Variants in SPTA1 observed in about 807,000 individuals in gnomAD.
SPTA1 encodes spectrin alpha chain, erythrocytic 1.
In SPTA1, 177 loss-of-function variants were observed where a neutral mutation model predicts 324.7. The ratio of observed to expected loss-of-function variants is 0.55; its 90% confidence interval spans 0.48 to 0.62. SPTA1 has a LOEUF of 0.62. SPTA1 is among the 20% of genes least tolerant of loss of function. SPTA1 has a pLI of 0.00. For synonymous variants in SPTA1, 1,195 were observed against 1,041.3 expected, an observed-to-expected ratio of 1.15 and a Z score of -2.84; for missense variants, 3,162 against 2,883.6, an observed-to-expected ratio of 1.10 and a Z score of -2.21.
chr1:158,668,084 A>G (rs1653743026), intron 14 of SPTA1, 22 bp from the exon 15 acceptor site: 5 of 1,609,616 alleles, frequency 3.1e-6, no homozygotes, highest in East Asian at 2.2e-5. Flanking sequence ...TGAAAAAAAA[A>G]AAAAAAACCA....
intron 16 of SPTA1, 68 bp downstream of exon 16, chr1:158,666,248 T>TTATTAAGTAATTAATAAG: frequency 1.3e-6 from 2 of 1,534,536 alleles, no homozygotes; most frequent in African/African-American, 1.4e-5. Flanking sequence ...TACTTATTAC[T>TTATTAAGTAATTAATAAG]TAATAACGAG....
intron 17 of SPTA1, among the ~76,000 whole-genome samples, chr1:158,662,038 CT>C (rs1653256165): frequency 1.3e-5 from 2 of 152,164 alleles, no homozygotes; most frequent in Admixed American, 6.5e-5. Flanking sequence ...TCTAAACTTT[CT>C]TTCTTACTAC....
Position 158,611,221 on chromosome 1 carries a change from C to T in SPTA1, c.*43G>A, listed in dbSNP as rs1482674969. ...GTACTCTTTGCCCCCCAGTAAATTT[C>T]CCACGACACTAAGATTTTCTACGAT... On this transcript the variant is annotated 3_prime_UTR_variant, in exon 52 of 52. Transcript: ENST00000643759. 6.2e-7 allele frequency: 1 copy of T among 1,610,678 alleles called. No homozygotes were observed. The highest frequency in any genetic ancestry group is 1.1e-5 in the South Asian group (1 of 90,952).
chr1:158,678,894 A>G (rs16840541), intron 5 of SPTA1, among the ~76,000 whole-genome samples: 4,884 of 152,184 alleles, frequency 0.032, 256 homozygotes, highest in African/African-American at 0.11. Flanking sequence ...ATGAAATACA[A>G]CTTAATTTTC....
In SPTA1 at chr1:158,652,649, G is replaced by A. The variant is rs772426060; in HGVS notation, c.3193C>T (p.Arg1065Cys). Reference protein sequence around the residue: ...QRQEQIENQYRSLLDRAEERR... With the variant: ...QRQEQIENQYCSLLDRAEERR... ...TCTTCTGCCCGATCCAAGAGGGAGC[G>A]GTATCTGGATGGAGAATTGGGAAAA... Residue 1065 changes from arginine (R) to cysteine (C), a missense_variant, in exon 23 of 52, where the codon CGC becomes TGC. Coordinates refer to ENST00000643759, the MANE Select transcript of SPTA1 (RefSeq NM_003126.4). 18 of 1,613,888 alleles carry A rather than the reference G, an allele frequency of 1.1e-5. No individual in the cohort carries two copies. Among genetic ancestry groups the A allele is most frequent in the East Asian group, 6.7e-5 (3 of 44,890 alleles).
Position 158,620,481 on chromosome 1 carries a change from A to G in SPTA1, c.6121-15T>C, listed in dbSNP as rs781045404. 50 of 1,612,262 alleles carry G rather than the reference A, an allele frequency of 3.1e-5. No individual in the cohort carries two copies. The highest frequency in any genetic ancestry group is 4.2e-5 in the Non-Finnish European group (50 of 1,179,996). ...AGGTCCTCAGCCTGCAGAGAGAAAA[A>G]AAAGACACTACCATCTTTCCTGATA... On this transcript the variant is annotated splice_polypyrimidine_tract_variant and intron_variant, in intron 43 of 51. Coordinates refer to ENST00000643759, the MANE Select transcript of SPTA1 (RefSeq NM_003126.4).
Position 158,645,569 on chromosome 1 carries a change from T to A in SPTA1, c.3922A>T (p.Ile1308Phe). 1 of 1,614,018 alleles carries A rather than the reference T, an allele frequency of 6.2e-7. No individual in the cohort carries two copies. Among genetic ancestry groups the A allele is most frequent in the Non-Finnish European group, 8.5e-7 (1 of 1,179,906 alleles). The change falls in exon 28 of 52, where the codon ATT becomes TTT. Residue 1308 changes from isoleucine (I) to phenylalanine (F), a missense_variant. Physicochemically the swap from Ile to Phe is conservative, Grantham distance 21. Coordinates refer to ENST00000643759, the MANE Select transcript of SPTA1 (RefSeq NM_003126.4). ...TCCTGTGATGATACCATGCCACCAATGCTACTGATCCAGTTCTGCAGATCC... is the reference window on the plus strand; with the variant it reads ...TCCTGTGATGATACCATGCCACCAAAGCTACTGATCCAGTTCTGCAGATCC... ...ARDLQNWISS[I>F]GGMVSSQELA...
intron 26 of SPTA1, among the ~76,000 whole-genome samples, chr1:158,647,965 C>T (rs1571444191): frequency 6.6e-6 from 1 of 152,184 alleles, no homozygotes. Flanking sequence ...TTAAGTGACT[C>T]TGCTGGTTAG....
chr1:158,644,503 T>C, intron 29 of SPTA1, 107 bp from the exon 30 acceptor site: 1 of 1,327,042 alleles, frequency 7.5e-7, no homozygotes, highest in Non-Finnish European at 1.1e-6. Flanking sequence ...CAAGGAGTAC[T>C]TACCATCTTC....
chr1:158,624,160 G>A (rs185187678), intron 42 of SPTA1, among the ~76,000 whole-genome samples: 15 of 152,334 alleles, frequency 9.8e-5, no homozygotes, highest in African/African-American at 3.4e-4. Flanking sequence ...TCCTCATGGA[G>A]AACCTCTGCT....
intron 33 of SPTA1, among the ~76,000 whole-genome samples, chr1:158,640,447 A>G (rs980803707): frequency 1.3e-5 from 2 of 152,148 alleles, no homozygotes; most frequent in African/African-American, 4.8e-5. Flanking sequence ...CATATTTTAT[A>G]TTTCTACTCA....
intron 18 of SPTA1, 23 bp from the exon 19 acceptor site, chr1:158,657,717 G>A (rs182257622): frequency 6.2e-7 from 1 of 1,609,484 alleles, no homozygotes; most frequent in East Asian, 2.2e-5. Flanking sequence ...TATAGAAAAG[G>A]TGAGTATGAT....
intron 33 of SPTA1, among the ~76,000 whole-genome samples, chr1:158,641,010 C>G (rs1211484185): frequency 2.0e-5 from 3 of 152,190 alleles, no homozygotes; most frequent in African/African-American, 4.8e-5. Context: ...TGCTGCTTAT[C>G]TACAACCATC....
intron 7 of SPTA1, 40 bp downstream of exon 7, chr1:158,677,650 C>T (rs1201283645): frequency 1.2e-6 from 2 of 1,610,728 alleles, no homozygotes; most frequent in African/African-American, 2.7e-5. Flanking sequence ...ATTGCCTCTT[C>T]TAGCTCAACG....
chr1:158,685,454 T>C, intron 1 of SPTA1, 107 bp from the exon 2 acceptor site: 1 of 1,486,550 alleles, frequency 6.7e-7, no homozygotes, highest in Non-Finnish European at 9.2e-7. Flanking sequence ...TATTCAGATA[T>C]CCTGAAGTTT....
chr1:158,620,840 GAAAAA>G (rs200959019), intron 43 of SPTA1: 9 of 89,530 alleles, frequency 1.0e-4, no homozygotes, highest in South Asian at 4.8e-4. Flanking sequence ...TAGTAAACAT[GAAAAA>G]AAAAAAAAAA....
intron 3 of SPTA1, among the ~76,000 whole-genome samples, chr1:158,682,695 CA>C (rs1654898133): frequency 6.6e-6 from 1 of 152,004 alleles, no homozygotes; most frequent in African/African-American, 2.4e-5. Flanking sequence ...CACTCACACA[CA>C]AAAAAATTGA....
intron 39 of SPTA1, among the ~76,000 whole-genome samples, chr1:158,628,547 G>T (rs1019081666): frequency 6.6e-6 from 1 of 152,078 alleles, no homozygotes; most frequent in Non-Finnish European, 1.5e-5. Context: ...AAACAAGATG[G>T]ACTACATTAT....
intron 47 of SPTA1, 73 bp from the exon 48 acceptor site, chr1:158,615,476 A>AGATAACAG (rs1388831791): frequency 3.4e-6 from 5 of 1,450,756 alleles, no homozygotes; most frequent in Non-Finnish European, 4.8e-6. Context: ...GTGGAAGAGG[A>AGATAACAG]GATAACAGGC....
Sources: allele counts gnomAD v4.1 joint callset (sites outside exome capture counted in the v4.1 genomes callset), GRCh38; gene constraint gnomAD v4.1.1; transcripts MANE v1.5; gene names NCBI Gene and HGNC (gene_info 2026-07-23, HGNC 2026-07-21).